UBE2D4: variants seen among roughly 807,000 people sequenced by gnomAD.
UBE2D4 encodes ubiquitin-conjugating enzyme E2 D4.
A neutral mutation model predicts 23.0 loss-of-function variants in UBE2D4; 17 were observed. The observed-to-expected ratio is 0.74, with a 90% CI of 0.51 to 1.11. UBE2D4 has a LOEUF of 1.11. Ranked by LOEUF, UBE2D4 falls within the 50% of genes least tolerant of loss-of-function variation. UBE2D4 has a pLI of 0.00. For synonymous variants in UBE2D4, 61 were observed against 69.4 expected, an observed-to-expected ratio of 0.88 and a Z score of 0.60; for missense variants, 139 against 181.8, an observed-to-expected ratio of 0.76 and a Z score of 1.35.
At chr7:43,945,749 T>C (rs1310110394) in intron 4 of UBE2D4, among the ~76,000 whole-genome samples, 1 of 149,786 alleles carries the variant, frequency 6.7e-6, no homozygotes, top group Non-Finnish European at 1.5e-5. Flanking sequence ...CAGTGAGTTC[T>C]CAAAGCTAGC....
At chr7:43,933,704 A>T (rs957705603) in intron 1 of UBE2D4, among the ~76,000 whole-genome samples, 2 of 152,202 alleles carry the variant, frequency 1.3e-5, no homozygotes, top group African/African-American at 2.4e-5. Context: ...AGATGGTGCC[A>T]GTGTACTCCA....
At chr7:43,943,132 T>G in intron 4 of UBE2D4, 101 bp downstream of exon 4, 1 of 1,199,650 alleles carries the variant, frequency 8.3e-7, no homozygotes, top group Non-Finnish European at 1.2e-6. Flanking sequence ...GTACGTGGGG[T>G]TTCTCTGAGG....
At chr7:43,931,120 C>CA (rs559992646) in intron 1 of UBE2D4, among the ~76,000 whole-genome samples, 231 of 98,354 alleles carry the variant, frequency 2.3e-3, no homozygotes, top group East Asian at 0.02. Flanking sequence ...GACTCTGTCT[C>CA]AAAAAAAAAA....
intron 1 of UBE2D4, among the ~76,000 whole-genome samples, chr7:43,935,101 TTGTC>T (rs1221373005): frequency 6.6e-6 from 1 of 152,224 alleles, no homozygotes; most frequent in African/African-American, 2.4e-5. Flanking sequence ...ACAGGACCCT[TTGTC>T]TGTATTATAC....
chr7:43,953,826 C>T lies in UBE2D4; in HGVS notation c.*1131C>T, dbSNP rs1379121599. On this transcript the variant is annotated 3_prime_UTR_variant, in exon 7 of 7. Coordinates refer to ENST00000222402, the MANE Select transcript of UBE2D4 (RefSeq NM_015983.4). Reference sequence around the variant, plus strand: ...AAGAAAATTGAGGAGCTTCAGATCTCTAAAGCCAAATTCAACCTGATCTTT... The same window carrying T: ...AAGAAAATTGAGGAGCTTCAGATCTTTAAAGCCAAATTCAACCTGATCTTT... The T allele has an allele frequency of 1.3e-5, 2 of 152,512 alleles. No individual in the cohort carries two copies. The highest frequency in any genetic ancestry group is 4.8e-5 in the African/African-American group (2 of 41,450). 9.4% of individuals were successfully genotyped at this position (152,512 alleles called of 1,614,324 possible).
At chr7:43,949,002 G>T in intron 5 of UBE2D4, 2 of 440,520 alleles carry the variant, frequency 4.5e-6, no homozygotes, top group Non-Finnish European at 4.0e-6. Context: ...AGAAAATACT[G>T]ATTCTACTTA....
intron 6 of UBE2D4, 36 bp downstream of exon 6, chr7:43,950,728 C>T: frequency 1.3e-6 from 2 of 1,547,330 alleles, no homozygotes; most frequent in Non-Finnish European, 1.8e-6. Context: ...TGCACCATGG[C>T]TGCCCCAGGC....
At chr7:43,942,768 T>C in intron 2 of UBE2D4, 58 bp from the exon 3 acceptor site, 1 of 1,611,688 alleles carries the variant, frequency 6.2e-7, no homozygotes, top group Non-Finnish European at 8.5e-7. Context: ...GCGTTTTCAG[T>C]AGAATGACAT....
At chr7:43,948,799 C>T in intron 5 of UBE2D4, 62 bp downstream of exon 5, 1 of 1,310,892 alleles carries the variant, frequency 7.6e-7, no homozygotes, top group Non-Finnish European at 1.1e-6. Context: ...CCAGCACTGA[C>T]TGAGTGGAAA....
chr7:43,940,267 A>G (rs1468849474), intron 2 of UBE2D4, among the ~76,000 whole-genome samples: 4 of 152,172 alleles, frequency 2.6e-5, no homozygotes, highest in Non-Finnish European at 4.4e-5. Flanking sequence ...ACTCTGCTCC[A>G]CTGTCTCCTG....
At chr7:43,931,780 C>T (rs1052685303) in intron 1 of UBE2D4, among the ~76,000 whole-genome samples, 2 of 151,316 alleles carry the variant, frequency 1.3e-5, no homozygotes, top group Non-Finnish European at 2.9e-5. Context: ...ATCACTGCAG[C>T]CTCCGTCTCT....
chr7:43,952,590 C>A, intron 6 of UBE2D4, 60 bp from the exon 7 acceptor site: 1 of 1,437,524 alleles, frequency 7.0e-7, no homozygotes, highest in Admixed American at 1.7e-5. Context: ...CTCTGCAGCA[C>A]ATTGAAGGGA....
intron 1 of UBE2D4, among the ~76,000 whole-genome samples, chr7:43,935,846 G>T (rs1196427405): frequency 6.6e-6 from 1 of 152,150 alleles, no homozygotes; most frequent in Non-Finnish European, 1.5e-5. Context: ...TCCATTAATG[G>T]TCTGTGGGTT....
In UBE2D4 at chr7:43,926,493, GCCCCGGCCGGGCCGCCCGGGT is replaced by G. The variant is rs1217398058; in HGVS notation, c.-32_-12del. ...AGCCGGCAGCGGGCCGCCTCAGGCA[GCCCCGGCCGGGCCGCCCGGGT>G]CCCCGGCAGCGGGGTAGGATGGCGC... On this transcript the variant is annotated 5_prime_UTR_variant, in exon 1 of 7. Transcript: ENST00000222402. 2.0e-6 allele frequency: 3 copies of G among 1,483,814 alleles called. No homozygotes were observed. Among genetic ancestry groups the G allele is most frequent in the Non-Finnish European group, 2.7e-6 (3 of 1,114,478 alleles). 91.9% of individuals were successfully genotyped at this position (1,483,814 alleles called of 1,614,324 possible). A position where few individuals can be genotyped will look rare whatever the true frequency, so the allele number is the denominator to read the frequency against.
Position 43,955,848 on chromosome 7 carries a change from T to G in UBE2D4, c.*3153T>G, listed in dbSNP as rs1490469362. On this transcript the variant is annotated 3_prime_UTR_variant, in exon 7 of 7. Transcript: ENST00000222402. ...AGCAGTGTTGGGAAAGTTCTGGACC[T>G]CTACTGGATCTAGCCATAAATGGTG... 6.6e-6 allele frequency: 1 copy of G among 152,050 alleles called. No homozygotes were observed. The highest frequency in any genetic ancestry group is 1.5e-5 in the Non-Finnish European group (1 of 68,026). The allele number at this position is 152,050 out of a possible 1,614,324, so 9.4% of individuals were successfully genotyped here. A position where few individuals can be genotyped will look rare whatever the true frequency, so the allele number is the denominator to read the frequency against.
chr7:43,928,652 A>C (rs2095938716), intron 1 of UBE2D4, among the ~76,000 whole-genome samples: 1 of 152,070 alleles, frequency 6.6e-6, no homozygotes, highest in Non-Finnish European at 1.5e-5. Flanking sequence ...ATGACCATGG[A>C]ATGGATGCTA....
At chr7:43,931,853 T>C (rs897593626) in intron 1 of UBE2D4, among the ~76,000 whole-genome samples, 3 of 151,826 alleles carry the variant, frequency 2.0e-5, no homozygotes, top group Non-Finnish European at 4.4e-5. Context: ...GCCTGGCTAC[T>C]TTTTTTTGTA....
intron 5 of UBE2D4, 142 bp from the exon 6 acceptor site, chr7:43,950,457 T>C (rs1269008062): frequency 3.6e-5 from 24 of 670,524 alleles, no homozygotes; most frequent in Admixed American, 6.4e-5. Flanking sequence ...GGGCAAGTGG[T>C]GCATCAAGCA....
intron 3 of UBE2D4, 25 bp from the exon 4 acceptor site, chr7:43,942,929 C>G: frequency 1.2e-6 from 2 of 1,614,132 alleles, no homozygotes; most frequent in Non-Finnish European, 1.7e-6. Flanking sequence ...ATGCACTGAT[C>G]TCTTTCTGTG....
Sources: allele counts gnomAD v4.1 joint callset (sites outside exome capture counted in the v4.1 genomes callset), GRCh38; gene constraint gnomAD v4.1.1; transcripts MANE v1.5; gene names NCBI Gene and HGNC (gene_info 2026-07-23, HGNC 2026-07-21).